The following TMCO6 variants were observed in gnomAD, a reference collection of about 807,000 sequenced individuals.
The protein encoded by TMCO6 is transmembrane and coiled-coil domains 6, also known as transmembrane and coiled-coil domain-containing protein 6.
Under a neutral mutation model 61.8 loss-of-function variants are expected in TMCO6, and 47 were observed. That is an observed-to-expected ratio of 0.76 (90% CI 0.60 to 0.97). TMCO6 has a LOEUF of 0.97. TMCO6 is among the 50% of genes least tolerant of loss of function. The pLI is 0.00. For missense variants in TMCO6, 557 were observed against 601.6 expected (o/e 0.93, Z 0.78); for synonymous variants, 261 against 254.2 (o/e 1.03, Z -0.25).
chr5:140,642,803 T>G, intron 6 of TMCO6, 122 bp from the exon 7 acceptor site: 1 of 1,594,464 alleles, frequency 6.3e-7, no homozygotes, highest in Non-Finnish European at 8.6e-7. Context: ...GGCTTTGGGT[T>G]TGGACACTTT....
At chr5:140,642,744 G>A in intron 6 of TMCO6, 73 bp downstream of exon 6, 1 of 1,587,250 alleles carries the variant, frequency 6.3e-7, no homozygotes, top group Non-Finnish European at 8.6e-7. Flanking sequence ...ATGCCTGAAT[G>A]ATTTCCAAAG....
chr5:140,614,161 A>G, the TMCO6 span, among the ~76,000 whole-genome samples: 1 of 152,046 alleles, frequency 6.6e-6, no homozygotes, highest in East Asian at 1.9e-4. Flanking sequence ...GGCCTCCTGA[A>G]GTGCTGGGAT....
the TMCO6 span, among the ~76,000 whole-genome samples, chr5:140,611,304 C>T: frequency 3.2e-4 from 48 of 152,250 alleles, no homozygotes; most frequent in Admixed American, 2.1e-3. Context: ...CCATCACTCC[C>T]GCCACCCCCA....
chr5:140,644,053 G>T, intron 9 of TMCO6, 47 bp from the exon 10 acceptor site: 1 of 1,613,232 alleles, frequency 6.2e-7, no homozygotes, highest in Non-Finnish European at 8.5e-7. Flanking sequence ...AGTATTGACA[G>T]GGGTGGTGGG....
At chr5:140,634,376 A>G in the TMCO6 span, among the ~76,000 whole-genome samples, 4 of 152,206 alleles carry the variant, frequency 2.6e-5, no homozygotes, top group African/African-American at 4.8e-5. Flanking sequence ...CAAACAAAAC[A>G]AAACAAAAAA....
In TMCO6 at chr5:140,641,827, A is replaced by G. The variant is rs749997304; in HGVS notation, c.315-43A>G. 1.9e-6 allele frequency: 3 copies of G among 1,614,054 alleles called. No individual in the cohort carries two copies. In the South Asian group the frequency reaches 3.3e-5, roughly 18 times the overall value. On this transcript the variant is annotated intron_variant, in intron 3 of 11. Transcript: ENST00000394671. ...GAGGGAGGAGTTGGGGCTCTGAGGGATGGACCACAAGCTAAGCAGGGCTCT... is the reference window on the plus strand; with the variant it reads ...GAGGGAGGAGTTGGGGCTCTGAGGGGTGGACCACAAGCTAAGCAGGGCTCT...
the TMCO6 span, among the ~76,000 whole-genome samples, chr5:140,607,254 A>G: frequency 6.6e-6 from 1 of 152,136 alleles, no homozygotes; most frequent in East Asian, 1.9e-4. Context: ...GACTAAGCTT[A>G]CCTATTATAG....
At chr5:140,623,967 C>A in the TMCO6 span, among the ~76,000 whole-genome samples, 1 of 152,148 alleles carries the variant, frequency 6.6e-6, no homozygotes, top group Non-Finnish European at 1.5e-5. Flanking sequence ...CATTTCCCCC[C>A]ACTTCTACTA....
the TMCO6 span, among the ~76,000 whole-genome samples, chr5:140,628,225 C>T: frequency 9.2e-5 from 14 of 152,082 alleles, no homozygotes; most frequent in African/African-American, 3.4e-4. Context: ...CTTACACAGA[C>T]CATCTATGAC....
chr5:140,617,251 C>G, the TMCO6 span, among the ~76,000 whole-genome samples: 3 of 152,020 alleles, frequency 2.0e-5, no homozygotes, highest in African/African-American at 7.3e-5. Context: ...CATGGTGAAA[C>G]CCCGTCTCTA....
the TMCO6 span, among the ~76,000 whole-genome samples, chr5:140,634,219 G>A: frequency 2.0e-5 from 3 of 152,060 alleles, no homozygotes; most frequent in South Asian, 2.1e-4. Flanking sequence ...CCACTTGCAC[G>A]TTGCTCTCTC....
the TMCO6 span, chr5:140,633,156 C>T: frequency 6.4e-7 from 1 of 1,563,860 alleles, no homozygotes; most frequent in Non-Finnish European, 8.7e-7. Flanking sequence ...CACCCGCCGG[C>T]TTCCAGGCTT....
At chr5:140,644,770 AC>A in intron 11 of TMCO6, 30 bp downstream of exon 11, 1 of 1,611,452 alleles carries the variant, frequency 6.2e-7, no homozygotes, top group Non-Finnish European at 8.5e-7. Flanking sequence ...ATCCTCAGTC[AC>A]CCCTGTTCTG....
At chr5:140,619,169 T>C in the TMCO6 span, among the ~76,000 whole-genome samples, 1 of 152,184 alleles carries the variant, frequency 6.6e-6, no homozygotes, top group Middle Eastern at 3.2e-3. Flanking sequence ...GCAAAGACTT[T>C]AATAGACACC....
the TMCO6 span, among the ~76,000 whole-genome samples, chr5:140,623,631 C>G: frequency 4.6e-5 from 7 of 152,214 alleles, no homozygotes; most frequent in Admixed American, 3.9e-4. Flanking sequence ...TGTATCTATG[C>G]TCACATCTTT....
At chr5:140,632,340 G>A in the TMCO6 span, 22 of 1,614,104 alleles carry the variant, frequency 1.4e-5, no homozygotes, top group South Asian at 1.4e-4. The surrounding 1 kb of genome is among the most constrained non-coding windows in gnomAD (Gnocchi z 6.2). Flanking sequence ...GGGACAGAGA[G>A]CCGCCATCAG....
At chr5:140,611,969 T>G in the TMCO6 span, among the ~76,000 whole-genome samples, 1 of 152,002 alleles carries the variant, frequency 6.6e-6, no homozygotes, top group African/African-American at 2.4e-5. Context: ...AGAAGTGGGG[T>G]TTGTGTTGGA....
At chr5:140,631,830 G>A in the TMCO6 span, 164 of 1,520,118 alleles carry the variant, frequency 1.1e-4, no homozygotes, top group Non-Finnish European at 1.3e-4. Flanking sequence ...GGCAGTTTGA[G>A]TCCATTCATT....
rs549370470 is a variant in TMCO6, at chr5:140,644,996, C to A, written c.1380C>A (p.Val460=). ...TTCCCTGCCCCTAGGCTGTTCAGGT[C>A]TTCCTGCAGCAGTCAGGGCTGCAAG... ...LFLYQPEAVQ[V]FLQQSGLQAL... is the part of the protein sequence containing the mutation. The change falls in exon 12 of 12, where the codon GTC becomes GTA. Residue 460 remains valine (V), a synonymous_variant. Transcript: ENST00000394671. 22 of 1,614,158 alleles carry A rather than the reference C, an allele frequency of 1.4e-5. No homozygotes were observed. The East Asian group carries it at 4.9e-4, about 36-fold the overall frequency.
Sources: gnomAD v4.1 joint callset for allele counts (sites outside exome capture counted in the v4.1 genomes callset) on GRCh38, gnomAD v4.1.1 for gene constraint, Gnocchi (gnomAD v3.1) non-coding constraint, MANE v1.5 for transcripts, NCBI Gene and HGNC (gene_info 2026-07-23, HGNC 2026-07-21) for gene names.